ATRN: variants seen among roughly 807,000 people sequenced by gnomAD.
ATRN encodes attractin.
A neutral mutation model predicts 178.7 loss-of-function variants in ATRN; 54 were observed. The ratio of observed to expected loss-of-function variants is 0.30; its 90% CI spans 0.24 to 0.38. The LOEUF is 0.38. ATRN is among the 10% of genes least tolerant of loss of function. The probability of loss-of-function intolerance (pLI) is 1.00; values close to 1 mark genes in which losing one functional copy is unlikely to be tolerated. For synonymous variants in ATRN, 636 were observed against 663.0 expected, an observed-to-expected ratio of 0.96 and a Z score of 0.63; for missense variants, 1,443 against 1,815.1, an observed-to-expected ratio of 0.79 and a Z score of 3.73.
chr20:3,572,928 A>C lies in ATRN; in HGVS notation c.2069A>C (p.Lys690Thr). Reference sequence around the variant, plus strand: ...ACTGATGAACAAGAAGAAAAGTTAAAATCAGAATGTTTTTCCAAAAGAAGT... The same window carrying C: ...ACTGATGAACAAGAAGAAAAGTTAACATCAGAATGTTTTTCCAAAAGAAGT... ...LATDEQEEKL[K>T]SECFSKRTLD... is the part of the protein sequence containing the mutation. Residue 690 changes from lysine to threonine, a missense_variant, in exon 12 of 29, where the codon AAA becomes ACA. Physicochemically the swap from Lys to Thr is moderately conservative, Grantham distance 78. Around this residue, in one of 4 missense-constraint regions of ATRN, gnomAD observed 862 missense variants for 972.1 expected, o/e 0.89. Transcript: ENST00000262919. The C allele has an allele frequency of 6.2e-7, 1 of 1,613,766 alleles. No homozygotes were observed. Among genetic ancestry groups the C allele is most frequent in the Non-Finnish European group, 8.5e-7 (1 of 1,179,886 alleles).
intron 6 of ATRN, among the ~76,000 whole-genome samples, chr20:3,553,688 C>T (rs912090410): frequency 6.6e-6 from 1 of 152,134 alleles, no homozygotes; most frequent in African/African-American, 2.4e-5. Context: ...TTACTCAAAA[C>T]GTACGGTGTA....
chr20:3,599,753 G>A (rs909328909), intron 22 of ATRN, among the ~76,000 whole-genome samples: 8 of 152,298 alleles, frequency 5.3e-5, no homozygotes, highest in South Asian at 2.1e-4. Flanking sequence ...GATGACCCAC[G>A]TATACCAAAG....
At position 3,645,773 on chromosome 20, in the gene ATRN, A is replaced by G. The variant is rs1600176640; in HGVS notation, c.4166-950A>G. On this transcript the variant is annotated intron_variant, in intron 28 of 28. Transcript: ENST00000262919. This position sits in a 1 kb window ranked among gnomAD's most constrained non-coding sequence, Gnocchi z 4.7. ...TCTACCCCCACCCCCACTCCCCTTC[A>G]CAGGCTCAACAAGGCAAGTAACACG... 7.3e-6 allele frequency among the ~76,000 whole-genome samples: 1 copy of G among 136,378 alleles called. No homozygotes were observed. The highest frequency in any genetic ancestry group is 7.7e-5 in the Admixed American group (1 of 12,976). 89.5% of individuals were successfully genotyped at this position (136,378 alleles called of 152,430 possible).
At chr20:3,476,035 C>A (rs2084524852) in intron 1 of ATRN, among the ~76,000 whole-genome samples, 6 of 152,182 alleles carry the variant, frequency 3.9e-5, no homozygotes, top group Admixed American at 3.9e-4. Flanking sequence ...GTCCCAGCTA[C>A]ATGGGAGGCT....
rs1438139354 is a variant in ATRN at position 3,565,476 on chromosome 20, GA to G, written c.1871+48del. ...GCTCCTTTTCTTTTGTGTTTAAAAT[GA>G]AAATAAAGGGCCGGGCACGGTGGCT... On this transcript the variant is annotated intron_variant, in intron 11 of 28. Transcript: ENST00000262919. 4 of 1,545,358 alleles carry G rather than the reference GA, an allele frequency of 2.6e-6. No homozygotes were observed. In the African/African-American group the frequency reaches 4.1e-5, roughly 16 times the overall value.
chr20:3,614,930 G>T (rs1034427978), intron 24 of ATRN, among the ~76,000 whole-genome samples: 5 of 152,124 alleles, frequency 3.3e-5, no homozygotes, highest in Non-Finnish European at 7.4e-5. Context: ...CCCGTGTTTA[G>T]TATGTTTCAG....
intron 16 of ATRN, among the ~76,000 whole-genome samples, chr20:3,582,593 T>G (rs1316145746): frequency 6.6e-6 from 1 of 152,190 alleles, no homozygotes; most frequent in Non-Finnish European, 1.5e-5. Flanking sequence ...GAAACTGATA[T>G]TCTAATTAAC....
At chr20:3,534,321 G>T (rs1029803358) in intron 1 of ATRN, among the ~76,000 whole-genome samples, 6 of 152,224 alleles carry the variant, frequency 3.9e-5, no homozygotes, top group African/African-American at 1.2e-4. Flanking sequence ...CAGAGGTCAG[G>T]GTGCTTTTTT....
intron 18 of ATRN, among the ~76,000 whole-genome samples, 154 bp from the exon 19 acceptor site, chr20:3,591,015 T>G (rs1332089472): frequency 2.6e-5 from 4 of 152,258 alleles, no homozygotes; most frequent in African/African-American, 9.6e-5. Context: ...TTGATATTTT[T>G]TATCTTATTT....
intron 19 of ATRN, among the ~76,000 whole-genome samples, chr20:3,591,622 A>G (rs1203762425): frequency 2.0e-5 from 3 of 152,186 alleles, no homozygotes; most frequent in East Asian, 1.9e-4. Flanking sequence ...GCACAGGTCA[A>G]TAGTCAGAGG....
intron 6 of ATRN, among the ~76,000 whole-genome samples, chr20:3,556,528 A>T (rs558949732): frequency 1.6e-3 from 244 of 152,228 alleles, no homozygotes; most frequent in Middle Eastern, 6.8e-3. Flanking sequence ...GTGGTACATG[A>T]TGGTCATTGG....
intron 25 of ATRN, among the ~76,000 whole-genome samples, chr20:3,625,965 C>G (rs1229040550): frequency 1.3e-5 from 2 of 152,098 alleles, no homozygotes; most frequent in Non-Finnish European, 2.9e-5. Flanking sequence ...GGTGCTATGG[C>G]TCACACCTGT....
At chr20:3,547,206 C>A in intron 4 of ATRN, 78 bp from the exon 5 acceptor site, 1 of 1,146,218 alleles carries the variant, frequency 8.7e-7, no homozygotes, top group Non-Finnish European at 1.3e-6. Context: ...GATTCTTAAA[C>A]TTGTGTGGGA....
chr20:3,549,389 A>G, intron 6 of ATRN, 51 bp downstream of exon 6: 1 of 1,421,208 alleles, frequency 7.0e-7, no homozygotes, highest in Non-Finnish European at 9.4e-7. Context: ...TATTTTGAAA[A>G]TTTATAAAGC....
At chr20:3,619,416 G>A (rs182352447) in intron 24 of ATRN, among the ~76,000 whole-genome samples, 2 of 152,210 alleles carry the variant, frequency 1.3e-5, no homozygotes, top group East Asian at 1.9e-4. Context: ...CGACCAGAAC[G>A]CAAGTCCTGA....
At chr20:3,537,367 T>C (rs1392478990) in intron 2 of ATRN, among the ~76,000 whole-genome samples, 2 of 152,120 alleles carry the variant, frequency 1.3e-5, no homozygotes, top group African/African-American at 4.8e-5. Flanking sequence ...ACATGGTAAA[T>C]GGTGTTCTAA....
At chr20:3,510,240 G>T (rs2085106247) in intron 1 of ATRN, among the ~76,000 whole-genome samples, 1 of 152,170 alleles carries the variant, frequency 6.6e-6, no homozygotes, top group Non-Finnish European at 1.5e-5. Context: ...TATTGCATTT[G>T]ATTGCCACAC....
intron 11 of ATRN, among the ~76,000 whole-genome samples, chr20:3,570,924 C>G (rs967570640): frequency 8.5e-5 from 13 of 152,102 alleles, no homozygotes; most frequent in Admixed American, 7.2e-4. Context: ...CTGTGGTGTT[C>G]TTCTTTTTAA....
At chr20:3,555,729 C>G (rs919309783) in intron 6 of ATRN, among the ~76,000 whole-genome samples, 1 of 152,186 alleles carries the variant, frequency 6.6e-6, no homozygotes, top group Non-Finnish European at 1.5e-5. Flanking sequence ...GTCTTAGATA[C>G]AGTGGGAACA....
Sources: allele counts gnomAD v4.1 joint callset (sites outside exome capture counted in the v4.1 genomes callset), GRCh38; gene constraint gnomAD v4.1.1; regional missense constraint gnomAD v4.1.1; non-coding constraint Gnocchi (gnomAD v3.1); transcripts MANE v1.5; gene names NCBI Gene and HGNC (gene_info 2026-07-23, HGNC 2026-07-21).